FAN1: variants seen among roughly 807,000 people sequenced by gnomAD.
FAN1 encodes the protein FANCD2 and FANCI associated nuclease 1.
Under a neutral mutation model 104.9 loss-of-function variants are expected in FAN1, and 91 were observed. The observed-to-expected ratio is 0.87, with a 90% CI of 0.73 to 1.03. FAN1 has a LOEUF of 1.03. Ranked by LOEUF, FAN1 falls within the 50% of genes least tolerant of loss-of-function variation. The pLI, the probability that FAN1 is intolerant of heterozygous loss-of-function variation, is 0.00. For missense variants in FAN1, 1,263 were observed against 1,239.9 expected (o/e 1.02, Z -0.28); for synonymous variants, 478 against 457.6 (o/e 1.04, Z -0.57).
At chr15:30,929,506 G>T (rs1555402901) in intron 12 of FAN1, 109 bp downstream of exon 12, 1 of 597,788 alleles carries the variant, frequency 1.7e-6, no homozygotes. Flanking sequence ...GTAAATACAT[G>T]TATGTGTGTG....
Position 30,908,155 on chromosome 15 carries a change from T to C in FAN1, c.1272T>C (p.Arg424=). 1 of 1,610,746 alleles carries C rather than the reference T, an allele frequency of 6.2e-7. No homozygotes were observed. The highest frequency in any genetic ancestry group is 2.2e-5 in the East Asian group (1 of 44,848). The part of the protein sequence containing the change: ...GQKLYVRLFQ[R]KLSWIKMTKL... ...AGTTATATGTAAGGCTCTTTCAACG[T>C]AAATTAAGCTGGATTAAGATGACCA... The change falls in exon 3 of 15, where the codon CGT becomes CGC. Residue 424 remains arginine (R), a synonymous_variant. Transcript: ENST00000362065.
chr15:30,925,906 C>G lies in FAN1; in HGVS notation c.2455C>G (p.Leu819Val). Residue 819 changes from leucine (L) to valine (V), a missense_variant, in exon 10 of 15, where the codon CTG (leucine) becomes GTG (valine). By Grantham distance (32) the Leu-to-Val change is conservative. Coordinates refer to ENST00000362065, the MANE Select transcript of FAN1 (RefSeq NM_014967.5). Reference sequence around the variant, plus strand: ...CCTGTGCTCTGTGGAGGAGCTGGCACTGGCCCATTACAGACGCAGCGGTTT... The same window carrying G: ...CCTGTGCTCTGTGGAGGAGCTGGCAGTGGCCCATTACAGACGCAGCGGTTT... Reference protein sequence around the residue: ...TVLCSVEELALAHYRRSGFDQ... With the variant: ...TVLCSVEELAVAHYRRSGFDQ... The G allele has an allele frequency of 6.2e-7, 1 of 1,614,248 alleles. No individual in the cohort carries two copies. The highest frequency in any genetic ancestry group is 8.5e-7 in the Non-Finnish European group (1 of 1,180,048).
At chr15:30,933,651 GTTGT>G (rs1024975011) in intron 13 of FAN1, among the ~76,000 whole-genome samples, 76 of 152,128 alleles carry the variant, frequency 5.0e-4, no homozygotes, top group African/African-American at 1.8e-3. Flanking sequence ...GGTTGATAGT[GTTGT>G]TTAAGTTGTC....
chr15:30,905,161 T>TA lies in FAN1; in HGVS notation c.504dup (p.Ser169IlefsTer4), dbSNP rs1355097143. On this transcript the variant is annotated frameshift_variant, in exon 2 of 15. Coordinates refer to ENST00000362065, the MANE Select transcript of FAN1 (RefSeq NM_014967.5). LOFTEE classifies it high-confidence loss of function. Reference sequence around the variant, plus strand: ...AATTGTCCAGAAAATACGTAAAGGCTAAAAAATCAATAGATAAGGATGAAG... The same window carrying TA: ...AATTGTCCAGAAAATACGTAAAGGCTAAAAAAATCAATAGATAAGGATGAAG... 4 of 1,613,684 alleles carry TA rather than the reference T, an allele frequency of 2.5e-6. No homozygotes were observed. The highest frequency in any genetic ancestry group is 2.2e-5 in the East Asian group (1 of 44,896).
chr15:30,908,193 A>G lies in FAN1; in HGVS notation c.1310A>G (p.Glu437Gly), dbSNP rs79759675. 2.5e-3 allele frequency: 4,105 copies of G among 1,611,902 alleles called. 68 individuals carry two copies. The African/African-American group carries it at 0.041, about 16-fold the overall frequency. The stretch of plus-strand genomic sequence containing the variant: ...ATTAAGATGACCAAATTAGAGTATG[A>G]AGAGATTGCCTTAGACTTAACACCT... Reference protein sequence around the residue: ...SWIKMTKLEYEEIALDLTPVI... With the variant: ...SWIKMTKLEYGEIALDLTPVI... Residue 437 changes from glutamate (E) to glycine (G), a missense_variant, in exon 3 of 15, where the codon GAA becomes GGA. Physicochemically the swap from Glu to Gly is moderately conservative, Grantham distance 98 (BLOSUM62 -2). Coordinates refer to ENST00000362065, the MANE Select transcript of FAN1 (RefSeq NM_014967.5).
chr15:30,923,901 A>G (rs927416664), intron 8 of FAN1, among the ~76,000 whole-genome samples: 4 of 152,184 alleles, frequency 2.6e-5, no homozygotes, highest in African/African-American at 9.7e-5. Flanking sequence ...TGTACAGTTC[A>G]GTGGCATTCA....
intron 13 of FAN1, among the ~76,000 whole-genome samples, chr15:30,934,436 C>T (rs2140965075): frequency 6.6e-6 from 1 of 152,246 alleles, no homozygotes; most frequent in Middle Eastern, 3.4e-3. Context: ...ATATCCTTAG[C>T]TTTAAATCCT....
In FAN1 at chr15:30,910,700, A is replaced by G. The variant is rs1208638518; in HGVS notation, c.1462A>G (p.Asn488Asp). Residue 488 changes from asparagine to aspartate, a missense_variant, in exon 4 of 15, where the codon AAT becomes GAT. By Grantham distance (23) the Asn-to-Asp change is conservative. Around this residue, in one of 2 missense-constraint regions of FAN1, gnomAD observed 682 missense variants for 571.1 expected, o/e 1.19. Coordinates refer to ENST00000362065, the MANE Select transcript of FAN1 (RefSeq NM_014967.5). Reference protein sequence around the residue: ...KSLAKTFHLVNPNGQKQQLVD... With the variant: ...KSLAKTFHLVDPNGQKQQLVD... ...CCTAGCCAAGACCTTCCACTTGGTG[A>G]ATCCCAATGGACAGAAACAGCAGCT... 6.2e-7 allele frequency: 1 copy of G among 1,613,870 alleles called. No individual in the cohort carries two copies. The highest frequency in any genetic ancestry group is 1.3e-5 in the African/African-American group (1 of 74,902).
intron 5 of FAN1, among the ~76,000 whole-genome samples, chr15:30,914,296 G>C (rs1273339798): frequency 7.2e-6 from 1 of 138,948 alleles, no homozygotes; most frequent in East Asian, 2.3e-4. Flanking sequence ...CAAAATCCAA[G>C]GAATTTTGAG....
chr15:30,920,069 A>C (rs1055246607), intron 6 of FAN1, among the ~76,000 whole-genome samples: 2 of 152,152 alleles, frequency 1.3e-5, no homozygotes, highest in Non-Finnish European at 2.9e-5. Flanking sequence ...CACCAACTTT[A>C]CTCTGCTGTT....
intron 2 of FAN1, chr15:30,906,575 T>C (rs541137786): frequency 5.7e-5 from 26 of 452,642 alleles, no homozygotes; most frequent in South Asian, 1.6e-4. Flanking sequence ...TGTGGAACCA[T>C]GTCCCTGAGG....
chr15:30,906,371 A>G (rs1257211643), intron 2 of FAN1: 3 of 457,094 alleles, frequency 6.6e-6, no homozygotes, highest in East Asian at 1.4e-4. Context: ...AACATTTTAG[A>G]TTTATGGACT....
Position 30,941,693 on chromosome 15 carries a change from A to AGG in FAN1, c.*135_*136dup. 1 of 1,613,778 alleles carries AGG rather than the reference A, an allele frequency of 6.2e-7. No homozygotes were observed. The highest frequency in any genetic ancestry group is 8.5e-7 in the Non-Finnish European group (1 of 1,179,802). ...GCCCAGCTCCCCATAGCAGGCCTCC[A>AGG]GGGGGCCACTGCGCTGTTGCCGCAG... is the stretch of plus-strand genomic sequence containing the variant. On this transcript the variant is annotated 3_prime_UTR_variant, in exon 15 of 15. Coordinates refer to ENST00000362065, the MANE Select transcript of FAN1 (RefSeq NM_014967.5).
intron 8 of FAN1, among the ~76,000 whole-genome samples, chr15:30,924,678 T>A (rs911290533): frequency 6.6e-6 from 1 of 152,088 alleles, no homozygotes; most frequent in Non-Finnish European, 1.5e-5. Flanking sequence ...TGACTGCATA[T>A]GAGATTGACC....
At chr15:30,926,648 G>A in intron 10 of FAN1, 2 of 985,164 alleles carry the variant, frequency 2.0e-6, no homozygotes, top group South Asian at 4.7e-5. Context: ...AAATGCCAGT[G>A]AAGACAGAGA....
chr15:30,910,354 T>C (rs2062071304), intron 3 of FAN1, among the ~76,000 whole-genome samples: 1 of 152,238 alleles, frequency 6.6e-6, no homozygotes. Context: ...ATAATGGCTA[T>C]CCATGTGTGT....
chr15:30,940,434 G>A (rs2063003950), intron 14 of FAN1: 4 of 984,764 alleles, frequency 4.1e-6, no homozygotes, highest in Middle Eastern at 5.2e-4. Flanking sequence ...CTATTCCTAA[G>A]CATTAGGAAC....
intron 10 of FAN1, chr15:30,927,798 G>A (rs2062503107): frequency 1.4e-5 from 14 of 985,808 alleles, no homozygotes; most frequent in Non-Finnish European, 1.7e-5. Context: ...ATGAGCTGGG[G>A]CTTGCTCAGG....
intron 6 of FAN1, 99 bp from the exon 7 acceptor site, chr15:30,920,446 T>G (rs2062300075): frequency 1.2e-6 from 1 of 801,948 alleles, no homozygotes; most frequent in Admixed American, 2.3e-5. Flanking sequence ...AATATACCTT[T>G]TTAAAAGATA....
Sources: gnomAD v4.1 joint callset for allele counts (sites outside exome capture counted in the v4.1 genomes callset) on GRCh38, gnomAD v4.1.1 for gene constraint, gnomAD v4.1.1 regional missense constraint, MANE v1.5 for transcripts, NCBI Gene and HGNC (gene_info 2026-07-23, HGNC 2026-07-21) for gene names.